ERG: variants seen among roughly 807,000 people sequenced by gnomAD.
ERG encodes ETS transcription factor ERG.
Under a neutral mutation model 55.3 loss-of-function variants are expected in ERG, and 9 were observed. That is an observed-to-expected ratio of 0.16 (90% CI 0.10 to 0.28). The LOEUF (loss-of-function observed/expected upper bound fraction) is 0.28. ERG is among the 10% of genes least tolerant of loss of function. The pLI is 1.00. For missense variants in ERG, 434 were observed against 631.6 expected, an observed-to-expected ratio of 0.69 and a Z score of 3.35; for synonymous variants, 223 against 237.3, an observed-to-expected ratio of 0.94 and a Z score of 0.55.
intron 2 of ERG, among the ~76,000 whole-genome samples, chr21:38,438,245 C>T (rs774814225): frequency 4.6e-5 from 7 of 152,170 alleles, no homozygotes; most frequent in East Asian, 3.9e-4. Context: ...ATCCGCTTCA[C>T]GTCTTTATTT....
At chr21:38,603,786 T>G (rs1310770891) in intron 1 of ERG, among the ~76,000 whole-genome samples, 1 of 152,026 alleles carries the variant, frequency 6.6e-6, no homozygotes, top group African/African-American at 2.4e-5. Flanking sequence ...TTAGGCGAAA[T>G]TAACATAACT....
chr21:38,530,863 G>T (rs756115400), intron 2 of ERG, among the ~76,000 whole-genome samples: 1 of 152,124 alleles, frequency 6.6e-6, no homozygotes, highest in Non-Finnish European at 1.5e-5. Context: ...GTCTAAAGAG[G>T]AAAATTCCCA....
chr21:38,470,005 A>G (rs1375094264), intron 1 of ERG, among the ~76,000 whole-genome samples: 2 of 152,206 alleles, frequency 1.3e-5, no homozygotes. Flanking sequence ...TGGTTTATGC[A>G]TCTACCTCAG....
upstream of ERG, among the ~76,000 whole-genome samples, chr21:38,588,199 T>C (rs1441281321): frequency 2.0e-5 from 3 of 152,104 alleles, no homozygotes; most frequent in Non-Finnish European, 4.4e-5. Context: ...AACTCAAAAA[T>C]ACAGTCGTTT....
upstream of ERG, among the ~76,000 whole-genome samples, chr21:38,585,661 G>T (rs2060059683): frequency 1.3e-5 from 2 of 148,574 alleles, no homozygotes; most frequent in South Asian, 4.2e-4. Context: ...AATGGCATCT[G>T]TTTCCGTTGA....
intron 1 of ERG, among the ~76,000 whole-genome samples, chr21:38,496,333 T>TG (rs949553671): frequency 6.6e-6 from 1 of 152,174 alleles, no homozygotes; most frequent in Admixed American, 6.5e-5. Flanking sequence ...ATTGCCTCTA[T>TG]GGGGGGCTGT....
chr21:38,589,994 G>A (rs1384201693), intron 1 of ERG, among the ~76,000 whole-genome samples: 1 of 152,192 alleles, frequency 6.6e-6, no homozygotes, highest in African/African-American at 2.4e-5. Flanking sequence ...CAGACACGCT[G>A]AGTATGCTCT....
intron 1 of ERG, among the ~76,000 whole-genome samples, chr21:38,461,055 T>C (rs1219593580): frequency 6.6e-6 from 1 of 152,228 alleles, no homozygotes; most frequent in Non-Finnish European, 1.5e-5. Context: ...CCAATTTCAA[T>C]ATTCGATACA....
In ERG at chr21:38,575,227, T is replaced by C. The variant is rs561020959; in HGVS notation, c.-41+435A>G. The stretch of plus-strand genomic sequence containing the variant: ...CTCCTGCTCGCTAACCCCAGGCAAG[T>C]ATAAAGGAGATGGAATTATAACAGG... On this transcript the variant is annotated intron_variant, in intron 2 of 8. Transcript: ENST00000398897. Among the ~76,000 whole-genome samples the C allele has an allele frequency of 2.0e-5, 3 of 152,242 alleles. No individual in the cohort carries two copies. In the East Asian group the frequency reaches 5.8e-4, roughly 29 times the overall value.
chr21:38,603,838 G>A (rs1237419539), intron 1 of ERG, among the ~76,000 whole-genome samples: 1 of 151,996 alleles, frequency 6.6e-6, no homozygotes, highest in Non-Finnish European at 1.5e-5. Context: ...GATTTTTGGG[G>A]GTGGAGGTTA....
At chr21:38,443,249 A>C (rs2058858500) in intron 2 of ERG, among the ~76,000 whole-genome samples, 1 of 152,208 alleles carries the variant, frequency 6.6e-6, no homozygotes, top group African/African-American at 2.4e-5. Context: ...CCAGACTCTC[A>C]AACAAGGGCC....
At chr21:38,641,849 C>A (rs965542517) in intron 1 of ERG, among the ~76,000 whole-genome samples, 1 of 152,150 alleles carries the variant, frequency 6.6e-6, no homozygotes, top group African/African-American at 2.4e-5. Flanking sequence ...TAAACTACAG[C>A]ATGGTTTGAA....
intron 3 of ERG, among the ~76,000 whole-genome samples, chr21:38,416,871 G>A (rs931164700): frequency 1.3e-5 from 2 of 152,214 alleles, no homozygotes; most frequent in East Asian, 1.9e-4. Context: ...ACCGGGTGGT[G>A]AAAATGCAGC....
chr21:38,541,783 T>C (rs184646825), intron 2 of ERG, among the ~76,000 whole-genome samples: 4 of 152,308 alleles, frequency 2.6e-5, no homozygotes, highest in Admixed American at 2.6e-4. Flanking sequence ...AAAATATCCA[T>C]CAGGATAAAT....
At chr21:38,647,271 T>C (rs540465825) in intron 1 of ERG, among the ~76,000 whole-genome samples, 24 of 152,320 alleles carry the variant, frequency 1.6e-4, no homozygotes, top group African/African-American at 5.5e-4. Context: ...CCTCACCACC[T>C]TCAGTCCTTT....
At chr21:38,622,958 AG>A (rs1450907886) in intron 1 of ERG, among the ~76,000 whole-genome samples, 4 of 143,038 alleles carry the variant, frequency 2.8e-5, no homozygotes, top group Non-Finnish European at 6.1e-5. Flanking sequence ...CACACACATC[AG>A]CACACACACA....
At chr21:38,584,851 T>A (rs1400602337) in exon 1 of ERG, 1 of 152,264 alleles carries the variant, frequency 6.6e-6, no homozygotes, top group Non-Finnish European at 1.5e-5. Context: ...TACCTTTAGT[T>A]GCCCTTGGTT....
upstream of ERG, among the ~76,000 whole-genome samples, chr21:38,500,105 C>T (rs536310943): frequency 9.9e-5 from 15 of 152,246 alleles, no homozygotes; most frequent in African/African-American, 3.1e-4. Context: ...TTCTGGAGTG[C>T]GGAGGAGAAA....
At chr21:38,579,637 G>C (rs1012614394) in intron 1 of ERG, among the ~76,000 whole-genome samples, 2 of 152,142 alleles carry the variant, frequency 1.3e-5, no homozygotes, top group African/African-American at 4.8e-5. Context: ...TAGAGACCAA[G>C]GGCGTATGAG....
Sources: allele counts gnomAD v4.1 joint callset (sites outside exome capture counted in the v4.1 genomes callset), GRCh38; gene constraint gnomAD v4.1.1; transcripts MANE v1.5; gene names NCBI Gene and HGNC (gene_info 2026-07-23, HGNC 2026-07-21).